Variants in RAI14 observed in about 807,000 individuals in gnomAD.
The protein encoded by RAI14 is ankycorbin.
RAI14 carries 45 observed loss-of-function variants against 115.4 expected under a neutral mutation model. The ratio of observed to expected loss-of-function variants is 0.39; its 90% CI spans 0.31 to 0.50. RAI14 has a LOEUF of 0.50. Among genes scored for constraint, RAI14 ranks in the 20% least tolerant of loss-of-function variants. RAI14 has a pLI of 0.85. For synonymous variants in RAI14, 371 were observed against 415.4 expected, an observed-to-expected ratio of 0.89 and a Z score of 1.30; for missense variants, 939 against 1,131.2, an observed-to-expected ratio of 0.83 and a Z score of 2.44.
chr5:34,798,488 C>A (rs1482348690), intron 4 of RAI14, among the ~76,000 whole-genome samples: 1 of 152,036 alleles, frequency 6.6e-6, no homozygotes, highest in Non-Finnish European at 1.5e-5. Flanking sequence ...TCCAGATTGT[C>A]CCAATACATT....
intron 1 of RAI14, among the ~76,000 whole-genome samples, chr5:34,683,175 T>C (rs1406835407): frequency 6.6e-6 from 1 of 152,212 alleles, no homozygotes; most frequent in Non-Finnish European, 1.5e-5. Flanking sequence ...GATCTATTAA[T>C]AACTTTACCC....
At chr5:34,717,893 AGTT>A (rs1227278044) in intron 2 of RAI14, among the ~76,000 whole-genome samples, 1 of 107,826 alleles carries the variant, frequency 9.3e-6, no homozygotes. Context: ...TGGGTAATGA[AGTT>A]GTTCCCAAGC....
intron 2 of RAI14, among the ~76,000 whole-genome samples, chr5:34,735,912 T>C (rs1163354870): frequency 6.6e-6 from 1 of 152,246 alleles, no homozygotes; most frequent in Admixed American, 6.5e-5. Flanking sequence ...GTGGTACTCA[T>C]AGGACCTCAC....
intron 1 of RAI14, among the ~76,000 whole-genome samples, chr5:34,676,054 T>C (rs1743952831): frequency 6.6e-6 from 1 of 152,270 alleles, no homozygotes; most frequent in South Asian, 2.1e-4. Flanking sequence ...CTGAGTCATG[T>C]GGTAAATGTA....
chr5:34,744,018 G>A (rs1282121032), intron 2 of RAI14, among the ~76,000 whole-genome samples: 3 of 152,238 alleles, frequency 2.0e-5, no homozygotes, highest in Non-Finnish European at 4.4e-5. Context: ...CTTTGTGGAT[G>A]AAATCATTTT....
At chr5:34,762,016 G>A (rs973538177) in intron 3 of RAI14, among the ~76,000 whole-genome samples, 14 of 152,154 alleles carry the variant, frequency 9.2e-5, no homozygotes, top group Admixed American at 6.5e-4. Context: ...CTTGAATCCC[G>A]TAGAGTACAG....
At chr5:34,719,527 G>A (rs753438849) in intron 2 of RAI14, among the ~76,000 whole-genome samples, 2 of 152,144 alleles carry the variant, frequency 1.3e-5, no homozygotes, top group African/African-American at 2.4e-5. Flanking sequence ...TCTCTGCCAC[G>A]GTATGTGAGC....
At chr5:34,677,229 A>T (rs914769978) in intron 1 of RAI14, among the ~76,000 whole-genome samples, 1 of 104,126 alleles carries the variant, frequency 9.6e-6, no homozygotes, top group Non-Finnish European at 1.9e-5. Context: ...CAGTGGCACG[A>T]TCTCAGCTCA....
chr5:34,771,576 A>T (rs1750160043), intron 3 of RAI14, among the ~76,000 whole-genome samples: 1 of 152,226 alleles, frequency 6.6e-6, no homozygotes, highest in South Asian at 2.1e-4. Context: ...GTTATAACTT[A>T]AGAGTTTTTG....
chr5:34,702,143 G>T (rs528459284), intron 2 of RAI14, among the ~76,000 whole-genome samples: 1 of 152,118 alleles, frequency 6.6e-6, no homozygotes. Context: ...TCAACACTAT[G>T]ATTTCATTAT....
At chr5:34,800,763 T>C (rs2150225333) in intron 4 of RAI14, among the ~76,000 whole-genome samples, 1 of 152,352 alleles carries the variant, frequency 6.6e-6, no homozygotes, top group African/African-American at 2.4e-5. Context: ...TGTTATTTTA[T>C]AGTAAGTTGT....
At chr5:34,756,402 A>G (rs72730578) in intron 2 of RAI14, among the ~76,000 whole-genome samples, 12,815 of 152,246 alleles carry the variant, frequency 0.084, 705 homozygotes, top group Non-Finnish European at 0.12. Context: ...AGCAGAGTCT[A>G]TAGAAAGCTT....
intron 12 of RAI14, among the ~76,000 whole-genome samples, chr5:34,816,455 T>C (rs1025930576): frequency 6.6e-6 from 1 of 152,194 alleles, no homozygotes; most frequent in Non-Finnish European, 1.5e-5. Context: ...ATTTTACAAA[T>C]GTTAGAAAAT....
At position 34,807,853 on chromosome 5, in the gene RAI14, T is replaced by C. The variant is rs780977153; in HGVS notation, c.375T>C (p.Tyr125=). 1.7e-5 allele frequency: 28 copies of C among 1,610,410 alleles called. 1 individual carries two copies. The South Asian group carries it at 2.7e-4, about 16-fold the overall frequency. ...VDSSGKTALH[Y]AAAQGCLQAV... is the part of the protein sequence containing the mutation. ...GCTCTGGGAAAACAGCTTTACATTATGCAGGTAACTTTCATTCTCCTATTT... is the reference window on the plus strand; with the variant it reads ...GCTCTGGGAAAACAGCTTTACATTACGCAGGTAACTTTCATTCTCCTATTT... The change falls in exon 6 of 18, where the codon TAT becomes TAC. Residue 125 remains tyrosine (Y), a synonymous_variant. Transcript: ENST00000265109.
In RAI14 at chr5:34,830,739, T is replaced by G. The variant is rs1390936477; in HGVS notation, c.2917T>G (p.Cys973Gly). 1.8e-5 allele frequency: 29 copies of G among 1,614,062 alleles called. No homozygotes were observed. The highest frequency in any genetic ancestry group is 2.4e-5 in the Non-Finnish European group (28 of 1,180,010). The change falls in exon 18 of 18, where the codon TGT becomes GGT. Residue 973 changes from cysteine to glycine, a missense_variant. Transcript: ENST00000265109. ...AGTACTGAAGCAAATCCTTACCATG[T>G]GTAAAAACCAGTCTCAAAAGAAGTA... is the stretch of plus-strand genomic sequence containing the variant. ...QKVLKQILTM[C>G]KNQSQKK is the part of the protein sequence containing the mutation.
chr5:34,815,001 C>T (rs1187404302), intron 12 of RAI14, among the ~76,000 whole-genome samples: 1 of 152,062 alleles, frequency 6.6e-6, no homozygotes, highest in Non-Finnish European at 1.5e-5. Context: ...AATCCCAGCA[C>T]TTTGGGAGGC....
rs987682688 is a variant in RAI14, at chr5:34,761,940, T to C, written c.167+4342T>C. Among the ~76,000 whole-genome samples the C allele has an allele frequency of 3.3e-5, 5 of 152,176 alleles. No individual in the cohort carries two copies. In the South Asian group the frequency reaches 1.0e-3, roughly 32 times the overall value. ...TACCACACCCACCTTTATTCTATTA[T>C]ATCAAATGAACAGGAACGACAACAG... On this transcript the variant is annotated intron_variant, in intron 3 of 17. Coordinates refer to ENST00000265109, the MANE Select transcript of RAI14 (RefSeq NM_015577.3).
chr5:34,683,511 CA>C (rs1221637288), intron 1 of RAI14, among the ~76,000 whole-genome samples: 1 of 151,810 alleles, frequency 6.6e-6, no homozygotes, highest in Admixed American at 6.6e-5. Flanking sequence ...TGACCTCAAA[CA>C]AAAATCTTAC....
chr5:34,679,906 TC>T (rs1744267099), intron 1 of RAI14, among the ~76,000 whole-genome samples: 1 of 151,272 alleles, frequency 6.6e-6, no homozygotes, highest in African/African-American at 2.4e-5. Flanking sequence ...ACACCTGGGA[TC>T]CACGAGAGCC....
Sources: allele counts gnomAD v4.1 joint callset (sites outside exome capture counted in the v4.1 genomes callset), GRCh38; gene constraint gnomAD v4.1.1; transcripts MANE v1.5; gene names NCBI Gene and HGNC (gene_info 2026-07-23, HGNC 2026-07-21).